The following GRIA4 variants were observed in gnomAD, a reference collection of about 807,000 sequenced individuals.
The protein encoded by GRIA4 is glutamate ionotropic receptor AMPA type subunit 4.
GRIA4 carries 34 observed loss-of-function variants against 104.0 expected under a neutral mutation model. The observed-to-expected ratio is 0.33, with a 90% CI of 0.25 to 0.44. The LOEUF (loss-of-function observed/expected upper bound fraction) is 0.44, where lower values mean the gene tolerates loss of function less well. GRIA4 is among the 20% of genes least tolerant of loss of function. GRIA4 has a pLI of 1.00. For synonymous variants in GRIA4, 386 were observed against 381.9 expected, an observed-to-expected ratio of 1.01 and a Z score of -0.13; for missense variants, 750 against 1,096.5, an observed-to-expected ratio of 0.68 and a Z score of 4.46.
chr11:105,683,664 A>G (rs1046481598), intron 3 of GRIA4, among the ~76,000 whole-genome samples: 1 of 152,114 alleles, frequency 6.6e-6, no homozygotes, highest in South Asian at 2.1e-4. Flanking sequence ...AATGTTTACA[A>G]TGTTAAGGAA....
intron 5 of GRIA4, among the ~76,000 whole-genome samples, chr11:105,866,360 A>C (rs1295041182): frequency 2.0e-5 from 3 of 151,720 alleles, no homozygotes. Context: ...ATTAATAGTA[A>C]AACTTCAGTC....
chr11:105,903,005 T>A (rs1389871129), intron 7 of GRIA4, among the ~76,000 whole-genome samples: 5 of 152,196 alleles, frequency 3.3e-5, no homozygotes, highest in Non-Finnish European at 5.9e-5. Context: ...TACATTTTTA[T>A]CTCAATCTTT....
chr11:105,839,144 T>A lies in GRIA4; in HGVS notation c.488-22880T>A, dbSNP rs189710777. On this transcript the variant is annotated intron_variant, in intron 4 of 16. Coordinates refer to ENST00000282499, the MANE Select transcript of GRIA4 (RefSeq NM_000829.4). ...CTGTCTGACATTATGAAGACATACATTATATGACAGTTTCTACTAACTCTG... is the reference window on the plus strand; with the variant it reads ...CTGTCTGACATTATGAAGACATACAATATATGACAGTTTCTACTAACTCTG... Among the ~76,000 whole-genome samples the A allele has an allele frequency of 2.1e-3, 315 of 152,216 alleles. 2 individuals carry two copies. The highest frequency in any genetic ancestry group is 7.3e-3 in the African/African-American group (302 of 41,538).
intron 4 of GRIA4, among the ~76,000 whole-genome samples, chr11:105,791,135 T>C (rs559305620): frequency 7.2e-5 from 11 of 152,132 alleles, no homozygotes; most frequent in Admixed American, 2.0e-4. Flanking sequence ...TTTGCTTTTT[T>C]CCCCCTAAAT....
chr11:105,610,960 AAGAG>A lies in GRIA4; in HGVS notation c.-31_-28del. 7.5e-7 allele frequency: 1 copy of A among 1,333,336 alleles called. No individual in the cohort carries two copies. Among genetic ancestry groups the A allele is most frequent in the Non-Finnish European group, 1.1e-6 (1 of 926,936 alleles). The allele number at this position is 1,333,336 out of a possible 1,614,324, so 82.6% of individuals were successfully genotyped here. On this transcript the variant is annotated 5_prime_UTR_variant, in exon 2 of 17. Coordinates refer to ENST00000282499, the MANE Select transcript of GRIA4 (RefSeq NM_000829.4). The stretch of plus-strand genomic sequence containing the variant: ...CAGCCTTTAGGAAGAGTGCGAGAGA[AAGAG>A]AGAGAGCGCGCGCCAGGGAGAGGAG...
At chr11:105,649,257 G>T (rs1359488367) in intron 3 of GRIA4, among the ~76,000 whole-genome samples, 1 of 151,952 alleles carries the variant, frequency 6.6e-6, no homozygotes, top group Non-Finnish European at 1.5e-5. Context: ...AGTAATAAAG[G>T]TATAATATAT....
chr11:105,703,195 A>G (rs575295990), intron 3 of GRIA4, among the ~76,000 whole-genome samples: 12 of 152,330 alleles, frequency 7.9e-5, no homozygotes, highest in African/African-American at 2.9e-4. Context: ...GTTAGATAAT[A>G]AAACAAAAAC....
chr11:105,757,613 T>A (rs1940388857), intron 4 of GRIA4, among the ~76,000 whole-genome samples: 1 of 152,092 alleles, frequency 6.6e-6, no homozygotes, highest in Admixed American at 6.6e-5. Flanking sequence ...GGGAGACAAA[T>A]ATGCAGACCT....
At chr11:105,793,456 G>A (rs189966504) in intron 4 of GRIA4, among the ~76,000 whole-genome samples, 180 of 152,232 alleles carry the variant, frequency 1.2e-3, no homozygotes, top group Admixed American at 5.4e-3. Flanking sequence ...TCCCACAGCA[G>A]GGACTATTAA....
intron 3 of GRIA4, among the ~76,000 whole-genome samples, chr11:105,672,301 T>C (rs1952400280): frequency 6.6e-6 from 1 of 152,116 alleles, no homozygotes; most frequent in African/African-American, 2.4e-5. Flanking sequence ...CTGGGCCAAG[T>C]GCTATGGGAA....
At chr11:105,733,737 A>G (rs1333845257) in intron 3 of GRIA4, among the ~76,000 whole-genome samples, 1 of 152,054 alleles carries the variant, frequency 6.6e-6, no homozygotes, top group Non-Finnish European at 1.5e-5. Flanking sequence ...TACAGGAGTG[A>G]GCCACCATGC....
At chr11:105,744,412 C>T (rs1401853524) in intron 3 of GRIA4, among the ~76,000 whole-genome samples, 1 of 152,056 alleles carries the variant, frequency 6.6e-6, no homozygotes, top group African/African-American at 2.4e-5. Flanking sequence ...TTGCCCCAAA[C>T]CAAGAAACAG....
intron 4 of GRIA4, among the ~76,000 whole-genome samples, chr11:105,834,776 G>A (rs1228597827): frequency 1.3e-5 from 2 of 149,536 alleles, no homozygotes; most frequent in Non-Finnish European, 1.5e-5. Context: ...GTTCCCTGTG[G>A]GTTCGAGCAG....
intron 3 of GRIA4, chr11:105,707,401 T>C (rs150421518): frequency 9.2e-5 from 14 of 152,256 alleles, no homozygotes; most frequent in African/African-American, 3.1e-4. Flanking sequence ...AAAGCCAAAA[T>C]GAGCATCTGG....
intron 3 of GRIA4, among the ~76,000 whole-genome samples, chr11:105,659,226 A>G (rs1951935249): frequency 6.6e-6 from 1 of 151,960 alleles, no homozygotes. Flanking sequence ...TCTTATTGGC[A>G]GAGCATGGCT....
At chr11:105,684,603 T>C (rs1039252948) in intron 3 of GRIA4, among the ~76,000 whole-genome samples, 1 of 147,342 alleles carries the variant, frequency 6.8e-6, no homozygotes, top group Non-Finnish European at 1.5e-5. Flanking sequence ...TATAAATATA[T>C]TTTTATATAT....
chr11:105,837,492 A>T (rs642919), intron 4 of GRIA4, among the ~76,000 whole-genome samples: 18,811 of 151,888 alleles, frequency 0.12, 1,286 homozygotes, highest in Admixed American at 0.22. Context: ...TAAGTGTTCC[A>T]TGGTGCTGCA....
intron 4 of GRIA4, 35 bp downstream of exon 4, chr11:105,753,255 T>C (rs1940109898): frequency 6.2e-7 from 1 of 1,602,882 alleles, no homozygotes; most frequent in South Asian, 1.1e-5. Context: ...AGAGCAAAAC[T>C]CTAATTTTCA....
At chr11:105,671,419 G>A (rs1051848320) in intron 3 of GRIA4, among the ~76,000 whole-genome samples, 2 of 152,102 alleles carry the variant, frequency 1.3e-5, no homozygotes, top group South Asian at 4.1e-4. Flanking sequence ...GCTCACACCT[G>A]TAATCCCAGC....
Sources: gnomAD v4.1 joint callset for allele counts (sites outside exome capture counted in the v4.1 genomes callset) on GRCh38, gnomAD v4.1.1 for gene constraint, MANE v1.5 for transcripts, NCBI Gene and HGNC (gene_info 2026-07-23, HGNC 2026-07-21) for gene names.